The following SPMIP11 variants were observed in gnomAD, a reference collection of about 807,000 sequenced individuals.
SPMIP11 encodes sperm microtubule inner protein 11.
chr12:48,757,645 CA>C, the SPMIP11 span, among the ~76,000 whole-genome samples: 5 of 93,522 alleles, frequency 5.3e-5, no homozygotes, highest in East Asian at 4.9e-4. Context: ...GACTCTATCT[CA>C]AAAAAATAAA....
chr12:48,728,893 T>C, the SPMIP11 span, among the ~76,000 whole-genome samples: 1 of 152,160 alleles, frequency 6.6e-6, no homozygotes, highest in East Asian at 1.9e-4. Flanking sequence ...CTGTTAGCCA[T>C]GCTAAGCATT....
the SPMIP11 span, among the ~76,000 whole-genome samples, chr12:48,752,356 A>T: frequency 1.3e-5 from 2 of 152,162 alleles, no homozygotes; most frequent in Non-Finnish European, 2.9e-5. Context: ...GCTTCAAAGG[A>T]TATTTCATCT....
At chr12:48,763,884 G>C in the SPMIP11 span, among the ~76,000 whole-genome samples, 2 of 151,736 alleles carry the variant, frequency 1.3e-5, no homozygotes, top group African/African-American at 4.8e-5. Flanking sequence ...CACCATGTTG[G>C]CCAGGCTGGT....
chr12:48,758,507 C>G, the SPMIP11 span, among the ~76,000 whole-genome samples: 1 of 152,192 alleles, frequency 6.6e-6, no homozygotes, highest in East Asian at 1.9e-4. Flanking sequence ...TTGGCCTAGC[C>G]AAAATTCTTT....
At chr12:48,761,184 T>A in the SPMIP11 span, among the ~76,000 whole-genome samples, 1 of 151,904 alleles carries the variant, frequency 6.6e-6, no homozygotes, top group Non-Finnish European at 1.5e-5. Flanking sequence ...CAGTGGCTCA[T>A]GCCTGTAATC....
chr12:48,739,731 A>G, the SPMIP11 span, among the ~76,000 whole-genome samples: 1 of 152,182 alleles, frequency 6.6e-6, no homozygotes, highest in Non-Finnish European at 1.5e-5. Context: ...AGAACTCACT[A>G]TCACGAGAAC....
chr12:48,759,437 CT>C, the SPMIP11 span: 1 of 636,438 alleles, frequency 1.6e-6, no homozygotes, highest in Non-Finnish European at 2.9e-6. Context: ...GTCTGTAATC[CT>C]AGCACTTTGG....
At chr12:48,729,665 G>A in the SPMIP11 span, among the ~76,000 whole-genome samples, 5 of 149,136 alleles carry the variant, frequency 3.4e-5, no homozygotes, top group Non-Finnish European at 7.4e-5. Flanking sequence ...AGCCGAGATC[G>A]CGCCACTGCA....
chr12:48,732,638 C>T, the SPMIP11 span, among the ~76,000 whole-genome samples: 1 of 151,688 alleles, frequency 6.6e-6, no homozygotes, highest in Non-Finnish European at 1.5e-5. Context: ...GGTGTGGTGA[C>T]GGACGCCTGT....
the SPMIP11 span, among the ~76,000 whole-genome samples, chr12:48,739,164 A>C: frequency 6.6e-6 from 1 of 151,760 alleles, no homozygotes; most frequent in Non-Finnish European, 1.5e-5. Flanking sequence ...CTCAGTGATT[A>C]CTCACCTCAA....
chr12:48,755,312 A>G, the SPMIP11 span, among the ~76,000 whole-genome samples: 3 of 152,192 alleles, frequency 2.0e-5, no homozygotes, highest in Admixed American at 1.3e-4. Context: ...CTACTTATCA[A>G]CAAAGACCAT....
the SPMIP11 span, among the ~76,000 whole-genome samples, chr12:48,769,520 A>C: frequency 1.3e-5 from 2 of 151,500 alleles, no homozygotes; most frequent in Non-Finnish European, 2.9e-5. Context: ...CTATAACAGT[A>C]ATCTCCTGAA....
the SPMIP11 span, chr12:48,770,635 TAGG>T: frequency 2.4e-6 from 2 of 844,418 alleles, no homozygotes; most frequent in African/African-American, 3.4e-5. Context: ...AGACTTGATA[TAGG>T]AGGTCAGAGG....
chr12:48,766,634 G>A, the SPMIP11 span: 10 of 152,614 alleles, frequency 6.6e-5, no homozygotes, highest in African/African-American at 1.9e-4. Flanking sequence ...GTACCTGATG[G>A]CCCATTTGGT....
the SPMIP11 span, among the ~76,000 whole-genome samples, chr12:48,746,339 G>A: frequency 1.4e-5 from 2 of 144,854 alleles, no homozygotes; most frequent in African/African-American, 5.1e-5. Context: ...GCTCACACCT[G>A]TAATCCAAGC....
the SPMIP11 span, among the ~76,000 whole-genome samples, chr12:48,748,375 C>A: frequency 1.3e-5 from 2 of 151,992 alleles, no homozygotes; most frequent in Non-Finnish European, 2.9e-5. Flanking sequence ...AGGGAAGAAA[C>A]CTCCCTTGAC....
At chr12:48,734,250 A>G in the SPMIP11 span, among the ~76,000 whole-genome samples, 2 of 151,788 alleles carry the variant, frequency 1.3e-5, no homozygotes, top group Admixed American at 1.3e-4. Flanking sequence ...GAGTACAGGT[A>G]TTGTGATACT....
chr12:48,744,336 G>A, the SPMIP11 span, among the ~76,000 whole-genome samples: 1 of 151,996 alleles, frequency 6.6e-6, no homozygotes, highest in African/African-American at 2.4e-5. Flanking sequence ...AAACCAGGAG[G>A]TAGAGATTGC....
At chr12:48,741,120 C>T in the SPMIP11 span, among the ~76,000 whole-genome samples, 1 of 143,218 alleles carries the variant, frequency 7.0e-6, no homozygotes, top group African/African-American at 2.6e-5. Flanking sequence ...GTTGCCCAGG[C>T]ATACAATGGC....
Sources: allele counts gnomAD v4.1 joint callset (sites outside exome capture counted in the v4.1 genomes callset), GRCh38; gene constraint gnomAD v4.1.1; transcripts MANE v1.5; gene names NCBI Gene and HGNC (gene_info 2026-07-23, HGNC 2026-07-21).